The following WWOX variants were observed in gnomAD, a reference collection of about 807,000 sequenced individuals.
WWOX encodes WW domain containing oxidoreductase, also known as WW domain-containing oxidoreductase.
A neutral mutation model predicts 46.2 loss-of-function variants in WWOX; 69 were observed. The observed-to-expected ratio is 1.49, with a 90% CI of 1.23 to 1.82. The LOEUF is 1.82. WWOX is among the 40% of genes most tolerant of loss of function. The pLI is 0.00. For synonymous variants in WWOX, 359 were observed against 202.6 expected (o/e 1.77, Z -6.56); for missense variants, 919 against 542.6 (o/e 1.69, Z -6.89).
intron 8 of WWOX, chr16:79,205,279 C>G (rs60052137): frequency 0.13 from 20,499 of 152,250 alleles, 2,925 homozygotes; most frequent in African/African-American, 0.36. Context: ...CCACGGCCAT[C>G]AAGCCCCTGT....
At chr16:78,503,337 C>A (rs1392005207) in intron 8 of WWOX, among the ~76,000 whole-genome samples, 1 of 152,082 alleles carries the variant, frequency 6.6e-6, no homozygotes, top group South Asian at 2.1e-4. Flanking sequence ...TAAGTACCTT[C>A]CAACTGTTCC....
At chr16:78,300,256 G>C (rs539488003) in intron 5 of WWOX, among the ~76,000 whole-genome samples, 2 of 152,272 alleles carry the variant, frequency 1.3e-5, no homozygotes, top group East Asian at 1.9e-4. Context: ...AATATTCTGA[G>C]GCTAGGTTAA....
intron 8 of WWOX, among the ~76,000 whole-genome samples, chr16:78,504,685 G>T (rs1243447536): frequency 6.6e-6 from 1 of 152,118 alleles, no homozygotes; most frequent in African/African-American, 2.4e-5. Context: ...CATCGGGGAG[G>T]ATGGGAGAAT....
At position 78,343,230 on chromosome 16, in the gene WWOX, C is replaced by T. The variant is rs1307507800; in HGVS notation, c.517-43630C>T. 1.7e-5 allele frequency among the ~76,000 whole-genome samples: 2 copies of T among 120,124 alleles called. 1 individual carries two copies. The highest frequency in any genetic ancestry group is 4.0e-5 in the Non-Finnish European group (2 of 50,332). The allele number at this position is 120,124 out of a possible 152,430, so 78.8% of individuals were successfully genotyped here. ...CCCCGATGTGGAGGGTCTTCTTATT[C>T]TGTGTGTGTGCCCTCTGCTGTTGAA... On this transcript the variant is annotated intron_variant, in intron 5 of 8. Transcript: ENST00000566780.
intron 8 of WWOX, among the ~76,000 whole-genome samples, chr16:78,967,602 A>G (rs750552253): frequency 1.3e-5 from 2 of 151,512 alleles, no homozygotes; most frequent in Non-Finnish European, 2.9e-5. Flanking sequence ...ACTATGCCCA[A>G]TACCCCCTAT....
At chr16:78,737,858 C>T (rs1748819537) in intron 8 of WWOX, among the ~76,000 whole-genome samples, 1 of 152,128 alleles carries the variant, frequency 6.6e-6, no homozygotes, top group Admixed American at 6.6e-5. Flanking sequence ...GTCCTTGGGC[C>T]ACTTTATTCC....
intron 8 of WWOX, among the ~76,000 whole-genome samples, chr16:78,844,819 A>T (rs975600103): frequency 1.3e-5 from 2 of 152,160 alleles, no homozygotes; most frequent in African/African-American, 2.4e-5. Flanking sequence ...GCACAGTCTA[A>T]CAGTGTCACC....
At chr16:78,105,759 C>T (rs2032099839) in intron 1 of WWOX, among the ~76,000 whole-genome samples, 1 of 152,118 alleles carries the variant, frequency 6.6e-6, no homozygotes, top group African/African-American at 2.4e-5. Context: ...AGCCTGCCTG[C>T]CAACAAGGCT....
At chr16:78,442,191 T>C (rs1301242718) in intron 8 of WWOX, among the ~76,000 whole-genome samples, 2 of 152,110 alleles carry the variant, frequency 1.3e-5, no homozygotes, top group Admixed American at 1.3e-4. Context: ...TGTTTTGATA[T>C]TCATATGCAT....
At chr16:79,181,545 A>C (rs932721605) in intron 8 of WWOX, among the ~76,000 whole-genome samples, 1 of 148,918 alleles carries the variant, frequency 6.7e-6, no homozygotes, top group African/African-American at 2.5e-5. Flanking sequence ...ATTGTTGAAA[A>C]CTCTTGGTAG....
chr16:78,908,385 C>G (rs912033323), intron 8 of WWOX, among the ~76,000 whole-genome samples: 1 of 151,992 alleles, frequency 6.6e-6, no homozygotes, highest in Non-Finnish European at 1.5e-5. Context: ...ACTAAAGATA[C>G]TAATATTAGC....
chr16:78,520,055 A>T (rs16947909), intron 8 of WWOX, among the ~76,000 whole-genome samples: 2,974 of 152,238 alleles, frequency 0.02, 101 homozygotes, highest in African/African-American at 0.065. Context: ...GATGGAACTT[A>T]TTGAGGGACA....
chr16:78,558,877 G>A (rs2044366945), intron 8 of WWOX, among the ~76,000 whole-genome samples: 1 of 152,206 alleles, frequency 6.6e-6, no homozygotes, highest in Admixed American at 6.5e-5. Flanking sequence ...TTCAGTCTGA[G>A]TTGGGTACCT....
At chr16:78,448,219 G>A (rs2083606297) in intron 8 of WWOX, among the ~76,000 whole-genome samples, 1 of 152,116 alleles carries the variant, frequency 6.6e-6, no homozygotes, top group African/African-American at 2.4e-5. Flanking sequence ...CTCATTTTCT[G>A]AAGCTGACCA....
At chr16:78,327,585 T>C (rs2080654423) in intron 5 of WWOX, among the ~76,000 whole-genome samples, 1 of 152,134 alleles carries the variant, frequency 6.6e-6, no homozygotes. Context: ...TTCCCTTCAC[T>C]CCAACTCCCA....
At chr16:78,945,712 T>G (rs1407882985) in intron 8 of WWOX, among the ~76,000 whole-genome samples, 2 of 152,172 alleles carry the variant, frequency 1.3e-5, no homozygotes, top group African/African-American at 2.4e-5. Context: ...TCCCCTGCAT[T>G]GTCTTGCTTC....
At chr16:78,229,383 C>G (rs767853572) in intron 5 of WWOX, among the ~76,000 whole-genome samples, 1 of 150,904 alleles carries the variant, frequency 6.6e-6, no homozygotes, top group Non-Finnish European at 1.5e-5. Flanking sequence ...CTTTTTAACT[C>G]AAGAAGCCTT....
At chr16:79,001,554 C>T (rs1465409455) in intron 8 of WWOX, among the ~76,000 whole-genome samples, 4 of 152,098 alleles carry the variant, frequency 2.6e-5, no homozygotes, top group Admixed American at 1.3e-4. Flanking sequence ...ATTATCCTCT[C>T]AGTTGGATTT....
intron 8 of WWOX, among the ~76,000 whole-genome samples, chr16:79,054,488 CAG>C (rs1050926473): frequency 1.3e-5 from 2 of 152,068 alleles, no homozygotes; most frequent in Non-Finnish European, 2.9e-5. Flanking sequence ...CAGATTTAAT[CAG>C]GGGAATACAT....
Sources: allele counts gnomAD v4.1 joint callset (sites outside exome capture counted in the v4.1 genomes callset), GRCh38; gene constraint gnomAD v4.1.1; transcripts MANE v1.5; gene names NCBI Gene and HGNC (gene_info 2026-07-23, HGNC 2026-07-21).